Variants in ZMAT4 observed in about 807,000 individuals in gnomAD.
ZMAT4 encodes zinc finger matrin-type 4.
Under a neutral mutation model 28.7 loss-of-function variants are expected in ZMAT4, and 17 were observed. The ratio of observed to expected loss-of-function variants is 0.59; its 90% confidence interval spans 0.41 to 0.89. The LOEUF (loss-of-function observed/expected upper bound fraction) is 0.89, where lower values mean the gene tolerates loss of function less well. Among genes scored for constraint, ZMAT4 ranks in the 40% least tolerant of loss-of-function variants. The probability of loss-of-function intolerance (pLI) is 0.00; values close to 1 mark genes in which losing one functional copy is unlikely to be tolerated. For missense variants in ZMAT4, 240 were observed against 283.8 expected (o/e 0.85, Z 1.11); for synonymous variants, 117 against 109.2 (o/e 1.07, Z -0.44).
chr8:40,637,646 A>C (rs1214377910), intron 5 of ZMAT4, among the ~76,000 whole-genome samples: 1 of 152,230 alleles, frequency 6.6e-6, no homozygotes, highest in East Asian at 1.9e-4. Flanking sequence ...AGAAAGAGGC[A>C]CTAAGGCAAT....
In ZMAT4 at chr8:40,603,158, C is replaced by G. The variant is rs189300136; in HGVS notation, c.578-21897G>C. On this transcript the variant is annotated intron_variant, in intron 5 of 6. Coordinates refer to ENST00000297737, the MANE Select transcript of ZMAT4 (RefSeq NM_024645.3). ...TCCACACATGTCTTGCCAATTATCC[C>G]AGCACCATTTGTTGAATAGAGTGTC... Among the ~76,000 whole-genome samples, 3 of 152,296 alleles carry G rather than the reference C, an allele frequency of 2.0e-5. No homozygotes were observed. The East Asian group carries it at 5.8e-4, about 29-fold the overall frequency.
intron 3 of ZMAT4, among the ~76,000 whole-genome samples, chr8:40,734,421 T>C (rs1366937299): frequency 6.6e-6 from 1 of 152,196 alleles, no homozygotes; most frequent in Non-Finnish European, 1.5e-5. Context: ...CGTGAGACTT[T>C]ACAAAATAAA....
chr8:40,893,921 T>C (rs910628728), intron 1 of ZMAT4, among the ~76,000 whole-genome samples: 4 of 152,238 alleles, frequency 2.6e-5, no homozygotes, highest in Non-Finnish European at 5.9e-5. Flanking sequence ...ACACACATCT[T>C]TGATTTCCTT....
chr8:40,541,556 G>A (rs953054709), intron 6 of ZMAT4, among the ~76,000 whole-genome samples: 3 of 152,074 alleles, frequency 2.0e-5, no homozygotes, highest in African/African-American at 4.8e-5. Flanking sequence ...ATTAGCAATC[G>A]AGTCTGGCCA....
At chr8:40,883,931 A>G (rs1167550621) in intron 1 of ZMAT4, among the ~76,000 whole-genome samples, 1 of 151,962 alleles carries the variant, frequency 6.6e-6, no homozygotes, top group Admixed American at 6.6e-5. Context: ...TTCAGTCATA[A>G]CTCTCCAGAG....
At chr8:40,802,701 C>G (rs926388459) in intron 2 of ZMAT4, among the ~76,000 whole-genome samples, 1 of 152,046 alleles carries the variant, frequency 6.6e-6, no homozygotes, top group African/African-American at 2.4e-5. Flanking sequence ...TTGTGGATAA[C>G]TTTGAATCAA....
chr8:40,601,472 AG>A lies in ZMAT4; in HGVS notation c.578-20212del, dbSNP rs375289518. On this transcript the variant is annotated intron_variant, in intron 5 of 6. Coordinates refer to ENST00000297737, the MANE Select transcript of ZMAT4 (RefSeq NM_024645.3). The stretch of plus-strand genomic sequence containing the variant: ...AGGAAGGAAGGGAGGAAGAAAGGAA[AG>A]AAAGAAAGAAAGAAAGAAAGAGAGA... 6.8e-4 allele frequency among the ~76,000 whole-genome samples: 57 copies of A among 83,962 alleles called. 4 individuals are homozygous for A. Among genetic ancestry groups the A allele is most frequent in the African/African-American group, 1.8e-3 (49 of 27,494 alleles). 55.1% of individuals were successfully genotyped at this position (83,962 alleles called of 152,430 possible). A position where few individuals can be genotyped will look rare whatever the true frequency, so the allele number is the denominator to read the frequency against.
At chr8:40,727,900 C>T (rs1431019979) in intron 3 of ZMAT4, among the ~76,000 whole-genome samples, 2 of 152,136 alleles carry the variant, frequency 1.3e-5, no homozygotes, top group Non-Finnish European at 2.9e-5. Context: ...ATTTGAATAA[C>T]ATTTTATTTA....
intron 6 of ZMAT4, among the ~76,000 whole-genome samples, chr8:40,579,005 A>G (rs1804362988): frequency 6.6e-6 from 1 of 152,230 alleles, no homozygotes; most frequent in Admixed American, 6.5e-5. Context: ...GATAGTGGGC[A>G]AGTCACTTTA....
chr8:40,619,763 C>T (rs1199513885), intron 5 of ZMAT4, among the ~76,000 whole-genome samples: 2 of 152,176 alleles, frequency 1.3e-5, no homozygotes, highest in Non-Finnish European at 2.9e-5. Context: ...ATCAGAGGCT[C>T]TGAAGGTGAT....
At chr8:40,870,497 C>T (rs1817819625) in intron 1 of ZMAT4, among the ~76,000 whole-genome samples, 1 of 152,204 alleles carries the variant, frequency 6.6e-6, no homozygotes, top group Non-Finnish European at 1.5e-5. Flanking sequence ...ATACACACAG[C>T]TTAAAAATTA....
intron 5 of ZMAT4, among the ~76,000 whole-genome samples, chr8:40,639,071 A>T (rs1453769067): frequency 3.9e-5 from 6 of 152,218 alleles, no homozygotes; most frequent in Non-Finnish European, 8.8e-5. Flanking sequence ...GTCCATGGCC[A>T]GGTGTCTGAC....
At chr8:40,576,152 G>A (rs183531749) in intron 6 of ZMAT4, among the ~76,000 whole-genome samples, 3 of 152,044 alleles carry the variant, frequency 2.0e-5, no homozygotes, top group Non-Finnish European at 4.4e-5. Context: ...AAAAGATGAA[G>A]AAAGCCTGAA....
intron 1 of ZMAT4, among the ~76,000 whole-genome samples, chr8:40,830,324 C>T (rs1394121923): frequency 2.0e-5 from 3 of 152,000 alleles, no homozygotes; most frequent in Middle Eastern, 3.2e-3. Flanking sequence ...ACCCTCACCC[C>T]CTCTTCCACT....
intron 1 of ZMAT4, among the ~76,000 whole-genome samples, chr8:40,837,922 A>T (rs1032271952): frequency 6.6e-6 from 1 of 152,198 alleles, no homozygotes; most frequent in Admixed American, 6.5e-5. Context: ...GAACAGACCC[A>T]TGCTCCTCAC....
chr8:40,764,999 T>C (rs202191370), intron 3 of ZMAT4, among the ~76,000 whole-genome samples: 1 of 143,168 alleles, frequency 7.0e-6, no homozygotes, highest in African/African-American at 2.7e-5. Flanking sequence ...GCCTGGCTAA[T>C]TAAAAAAAAA....
At chr8:40,746,266 T>TCCC (rs1812218262) in intron 3 of ZMAT4, among the ~76,000 whole-genome samples, 1 of 113,642 alleles carries the variant, frequency 8.8e-6, no homozygotes, top group African/African-American at 3.4e-5. Flanking sequence ...CCTCCCTCCC[T>TCCC]TCCTTCCTTT....
intron 1 of ZMAT4, among the ~76,000 whole-genome samples, chr8:40,840,660 G>A (rs780669334): frequency 3.3e-5 from 5 of 152,278 alleles, no homozygotes; most frequent in Admixed American, 2.0e-4. Context: ...GTCCAGAAAC[G>A]TATTGTCTGA....
intron 6 of ZMAT4, among the ~76,000 whole-genome samples, chr8:40,561,692 C>T (rs2118470509): frequency 6.6e-6 from 1 of 152,274 alleles, no homozygotes; most frequent in Middle Eastern, 3.4e-3. Flanking sequence ...ACCCCCAGCC[C>T]ACAGGCTGCA....
Sources: gnomAD v4.1 joint callset for allele counts (sites outside exome capture counted in the v4.1 genomes callset) on GRCh38, gnomAD v4.1.1 for gene constraint, MANE v1.5 for transcripts, NCBI Gene and HGNC (gene_info 2026-07-23, HGNC 2026-07-21) for gene names.